PLD5: variants seen among roughly 807,000 people sequenced by gnomAD.
The protein encoded by PLD5 is phospholipase D family member 5.
PLD5 carries 36 observed loss-of-function variants against 61.1 expected under a neutral mutation model. The observed-to-expected ratio is 0.59, with a 90% CI of 0.45 to 0.78. The LOEUF is 0.78. Among genes scored for constraint, PLD5 ranks in the 30% least tolerant of loss-of-function variants. The probability of loss-of-function intolerance (pLI) is 0.00; values close to 1 mark genes in which losing one functional copy is unlikely to be tolerated. For missense variants in PLD5, 515 were observed against 644.4 expected, an observed-to-expected ratio of 0.80 and a Z score of 2.17; for synonymous variants, 243 against 242.8, an observed-to-expected ratio of 1.00 and a Z score of -0.01.
chr1:242,104,165 C>G (rs1660875426), intron 8 of PLD5, among the ~76,000 whole-genome samples: 1 of 152,068 alleles, frequency 6.6e-6, no homozygotes, highest in African/African-American at 2.4e-5. Context: ...TGTCCCCAGG[C>G]TGGAGTGCAG....
rs1420716225 is a variant in PLD5, at chr1:242,372,188, T to A, written c.190-23946A>T. ...CCTTCTCTTCATCATTATTATTTTTTAAATTTATCTGTTTTTTCAAAGACT... is the reference window on the plus strand; with the variant it reads ...CCTTCTCTTCATCATTATTATTTTTAAAATTTATCTGTTTTTTCAAAGACT... On this transcript the variant is annotated intron_variant, in intron 1 of 9. Transcript: ENST00000536534. Among the ~76,000 whole-genome samples, 3 of 152,290 alleles carry A rather than the reference T, an allele frequency of 2.0e-5. No individual in the cohort carries two copies. In the East Asian group the frequency reaches 5.8e-4, roughly 29 times the overall value.
intron 2 of PLD5, among the ~76,000 whole-genome samples, chr1:242,303,002 A>T (rs371468848): frequency 6.6e-6 from 1 of 152,136 alleles, no homozygotes; most frequent in Non-Finnish European, 1.5e-5. Flanking sequence ...TTGATGGAGT[A>T]GGGGACCGAA....
intron 3 of PLD5, among the ~76,000 whole-genome samples, chr1:242,269,379 A>G (rs1490147755): frequency 2.0e-5 from 3 of 151,692 alleles, no homozygotes; most frequent in Non-Finnish European, 4.4e-5. Context: ...CTGTACCCCC[A>G]AAATAGAGAT....
At chr1:242,204,428 C>G (rs564677227) in intron 5 of PLD5, among the ~76,000 whole-genome samples, 1 of 152,100 alleles carries the variant, frequency 6.6e-6, no homozygotes, top group Non-Finnish European at 1.5e-5. Flanking sequence ...GCCCCTTGAC[C>G]GGGACAGTAA....
chr1:242,498,258 T>A (rs7418488), intron 1 of PLD5, among the ~76,000 whole-genome samples: 1 of 152,172 alleles, frequency 6.6e-6, no homozygotes, highest in Non-Finnish European at 1.5e-5. Flanking sequence ...CCACCGCACC[T>A]GGCCTCTTCA....
intron 5 of PLD5, among the ~76,000 whole-genome samples, chr1:242,146,631 A>G (rs1664563277): frequency 6.6e-6 from 1 of 152,174 alleles, no homozygotes; most frequent in Non-Finnish European, 1.5e-5. Flanking sequence ...TGCTTTTTCT[A>G]GAGTTATTTT....
intron 5 of PLD5, among the ~76,000 whole-genome samples, chr1:242,194,566 ATATCTATCTATC>A (rs201221980): frequency 3.2e-5 from 4 of 123,978 alleles, no homozygotes; most frequent in Non-Finnish European, 7.0e-5. Context: ...AGCTATCTCT[ATATCTATCTATC>A]TATCTATCTA....
intron 8 of PLD5, among the ~76,000 whole-genome samples, chr1:242,103,329 C>T (rs1278266148): frequency 6.6e-6 from 1 of 152,176 alleles, no homozygotes; most frequent in Non-Finnish European, 1.5e-5. Context: ...TGCCCTGTCC[C>T]CTCACTGGCT....
chr1:242,194,192 G>C (rs1268476538), intron 5 of PLD5, among the ~76,000 whole-genome samples: 3 of 152,098 alleles, frequency 2.0e-5, no homozygotes, highest in Non-Finnish European at 4.4e-5. Context: ...CAGACATCAG[G>C]CTTCTCATAT....
intron 1 of PLD5, among the ~76,000 whole-genome samples, chr1:242,358,215 A>T (rs1660865945): frequency 6.6e-6 from 1 of 152,076 alleles, no homozygotes; most frequent in Non-Finnish European, 1.5e-5. Flanking sequence ...ATTATTCTAA[A>T]TTTTTTTGTC....
At chr1:242,186,567 G>A (rs1299801799) in intron 5 of PLD5, among the ~76,000 whole-genome samples, 1 of 151,854 alleles carries the variant, frequency 6.6e-6, no homozygotes, top group Admixed American at 6.6e-5. Flanking sequence ...TGAGAAATGA[G>A]AAACTATGCA....
chr1:242,175,643 G>A (rs374922274), intron 5 of PLD5, among the ~76,000 whole-genome samples: 24 of 152,164 alleles, frequency 1.6e-4, no homozygotes, highest in East Asian at 5.8e-4. Context: ...CAAATAGGAA[G>A]AGAGGAAATC....
chr1:242,376,281 G>A (rs1661949277), intron 1 of PLD5, among the ~76,000 whole-genome samples: 2 of 152,040 alleles, frequency 1.3e-5, no homozygotes, highest in Admixed American at 1.3e-4. Flanking sequence ...TCCACGGCTG[G>A]GAAACGAGCA....
intron 5 of PLD5, among the ~76,000 whole-genome samples, chr1:242,173,766 T>G (rs574462132): frequency 6.6e-5 from 10 of 152,284 alleles, no homozygotes; most frequent in African/African-American, 2.4e-4. Context: ...CATCTGATCT[T>G]TGACAAACCT....
chr1:242,464,584 T>A (rs2102941477), intron 1 of PLD5, among the ~76,000 whole-genome samples: 1 of 152,362 alleles, frequency 6.6e-6, no homozygotes, highest in East Asian at 1.9e-4. Context: ...GTACAGCCAC[T>A]GTGGAAACAG....
At chr1:242,145,822 A>G (rs992239575) in intron 5 of PLD5, among the ~76,000 whole-genome samples, 2 of 152,056 alleles carry the variant, frequency 1.3e-5, no homozygotes, top group African/African-American at 4.8e-5. Flanking sequence ...ATAGGCGCAC[A>G]CCAGCACCAC....
intron 1 of PLD5, among the ~76,000 whole-genome samples, chr1:242,387,989 C>T (rs1299322887): frequency 6.6e-6 from 1 of 151,926 alleles, no homozygotes; most frequent in Non-Finnish European, 1.5e-5. Context: ...GAGAAAAAGG[C>T]GATGATCATA....
intron 4 of PLD5, among the ~76,000 whole-genome samples, chr1:242,245,592 C>T (rs1352824972): frequency 2.0e-5 from 3 of 152,202 alleles, no homozygotes; most frequent in South Asian, 2.1e-4. Flanking sequence ...TGCACACCTC[C>T]TCCTCAAAAC....
chr1:242,346,716 T>C (rs1660158768), intron 2 of PLD5, among the ~76,000 whole-genome samples: 1 of 152,174 alleles, frequency 6.6e-6, no homozygotes, highest in African/African-American at 2.4e-5. Flanking sequence ...ATGTGGGTGA[T>C]GGTGGTTTGC....
Sources: allele counts gnomAD v4.1 joint callset (sites outside exome capture counted in the v4.1 genomes callset), GRCh38; gene constraint gnomAD v4.1.1; transcripts MANE v1.5; gene names NCBI Gene and HGNC (gene_info 2026-07-23, HGNC 2026-07-21).